KCNK17: variants seen among roughly 807,000 people sequenced by gnomAD.
KCNK17 encodes potassium channel subfamily K member 17.
A neutral mutation model predicts 24.6 loss-of-function variants in KCNK17; 27 were observed. The observed-to-expected ratio is 1.10, with a 90% confidence interval of 0.81 to 1.51. The LOEUF is 1.51. Among genes scored for constraint, KCNK17 ranks in the 40% most tolerant of loss-of-function variants. KCNK17 has a pLI of 0.00. For synonymous variants in KCNK17, 181 were observed against 189.8 expected (o/e 0.95, Z 0.38); for missense variants, 450 against 436.6 (o/e 1.03, Z -0.27).
At chr6:39,303,011 T>G (rs1007036155) in intron 4 of KCNK17, among the ~76,000 whole-genome samples, 2 of 152,166 alleles carry the variant, frequency 1.3e-5, no homozygotes, top group Non-Finnish European at 2.9e-5. Flanking sequence ...TGGAGTCAAA[T>G]AGATCAGGAT....
At chr6:39,304,421 A>T in intron 3 of KCNK17, 74 bp downstream of exon 3, 1 of 1,343,602 alleles carries the variant, frequency 7.4e-7, no homozygotes, top group Non-Finnish European at 1.1e-6. Context: ...TCTTGTCATT[A>T]GTAACCCCAA....
rs1306250695 is a variant in KCNK17, at chr6:39,299,288, A to G, written c.*139T>C. 1 of 660,990 alleles carries G rather than the reference A, an allele frequency of 1.5e-6. No homozygotes were observed. The highest frequency in any genetic ancestry group is 2.6e-6 in the Non-Finnish European group (1 of 387,898). 40.9% of individuals were successfully genotyped at this position (660,990 alleles called of 1,614,324 possible). A position where few individuals can be genotyped will look rare whatever the true frequency, so the allele number is the denominator to read the frequency against. ...CCCAGGACATGTCTCTGTATACCCT[A>G]TTGGGCAGAATTAATCATATAGCTG... On this transcript the variant is annotated 3_prime_UTR_variant, in exon 5 of 5. Coordinates refer to ENST00000373231, the MANE Select transcript of KCNK17 (RefSeq NM_031460.4).
At chr6:39,304,759 C>A (rs1357794686) in intron 2 of KCNK17, 104 bp from the exon 3 acceptor site, 10 of 1,292,452 alleles carry the variant, frequency 7.7e-6, no homozygotes, top group Admixed American at 3.7e-5. Flanking sequence ...TCATTCTAAC[C>A]CACTGTAGAT....
At chr6:39,313,190 G>T (rs1272477322) in intron 1 of KCNK17, among the ~76,000 whole-genome samples, 2 of 152,194 alleles carry the variant, frequency 1.3e-5, no homozygotes, top group Non-Finnish European at 2.9e-5. Flanking sequence ...GTCTGGCGTC[G>T]CTTCAGTCCT....
At chr6:39,312,646 A>G (rs915438597) in intron 1 of KCNK17, among the ~76,000 whole-genome samples, 1 of 152,188 alleles carries the variant, frequency 6.6e-6, no homozygotes, top group Non-Finnish European at 1.5e-5. Flanking sequence ...GGTGAGACAA[A>G]TGAATACGGG....
In KCNK17 at chr6:39,304,189, C is replaced by T. The variant is rs191970537; in HGVS notation, c.514-58G>A. 5.5e-5 allele frequency: 84 copies of T among 1,538,196 alleles called. No individual in the cohort carries two copies. In the Middle Eastern group the frequency reaches 6.9e-4, roughly 13 times the overall value. On this transcript the variant is annotated intron_variant, in intron 3 of 4. Coordinates refer to ENST00000373231, the MANE Select transcript of KCNK17 (RefSeq NM_031460.4). ...AGGCCTTCACCCCATGCGTGGGAGC[C>T]GAGGGAGCTGGAGGCAGGCCAGAGC...
At chr6:39,310,827 C>T (rs1424283682) in intron 2 of KCNK17, 66 bp downstream of exon 2, 15 of 1,075,656 alleles carry the variant, frequency 1.4e-5, no homozygotes, top group African/African-American at 3.2e-5. Context: ...GGCAACTAGC[C>T]TGTTGCCTCT....
In KCNK17 at chr6:39,299,737, C is replaced by A; in HGVS notation, c.689G>T (p.Gly230Val). ...STVGFGDYVI[G>V]MNPSQRYPLW... ...TGGGTACCTCTGGGAGGGGTTCATT[C>A]CTGGGGAAGAGGCAAGGTCAGACGA... is the stretch of plus-strand genomic sequence containing the variant. Residue 230 changes from glycine to valine, a missense_variant and splice_region_variant, in exon 5 of 5, where the codon GGA (glycine) becomes GTA (valine). By Grantham distance (109) the Gly-to-Val change is moderately radical. Transcript: ENST00000373231. The A allele has an allele frequency of 6.2e-7, 1 of 1,611,814 alleles. No individual in the cohort carries two copies. Among genetic ancestry groups the A allele is most frequent in the East Asian group, 2.2e-5 (1 of 44,844 alleles).
intron 4 of KCNK17, among the ~76,000 whole-genome samples, chr6:39,301,745 T>C (rs968439106): frequency 2.0e-5 from 3 of 152,198 alleles, no homozygotes; most frequent in African/African-American, 7.2e-5. Context: ...AGTAGCCGGA[T>C]GGGACCTGGG....
intron 4 of KCNK17, chr6:39,300,572 TC>T (rs1306233339): frequency 1.3e-6 from 2 of 1,535,132 alleles, no homozygotes; most frequent in Non-Finnish European, 1.8e-6. Flanking sequence ...AGAATATGTA[TC>T]CTGACTCGGT....
At chr6:39,309,531 G>C (rs114050695) in intron 2 of KCNK17, among the ~76,000 whole-genome samples, 6,132 of 152,230 alleles carry the variant, frequency 0.04, 138 homozygotes, top group Non-Finnish European at 0.057. Flanking sequence ...GAGTGGAGAG[G>C]AAAGGACAGA....
Position 39,303,744 on chromosome 6 carries a change from G to A in KCNK17, c.688+213C>T, listed in dbSNP as rs150302679. Among the ~76,000 whole-genome samples the A allele has an allele frequency of 5.9e-5, 9 of 152,286 alleles. No homozygotes were observed. The East Asian group carries it at 7.7e-4, about 13-fold the overall frequency. ...CTCTAAGCACAATAGGTGGGCCCGCGGACGTGTTGGACCTCTCCGCGTTGG... is the reference window on the plus strand; with the variant it reads ...CTCTAAGCACAATAGGTGGGCCCGCAGACGTGTTGGACCTCTCCGCGTTGG... On this transcript the variant is annotated intron_variant, in intron 4 of 4. Coordinates refer to ENST00000373231, the MANE Select transcript of KCNK17 (RefSeq NM_031460.4).
Position 39,314,233 on chromosome 6 carries a change from G to C in KCNK17, c.88C>G (p.Leu30Val), listed in dbSNP as rs1762221487. 6.5e-7 allele frequency: 1 copy of C among 1,538,326 alleles called. No homozygotes were observed. Residue 30 changes from leucine to valine, a missense_variant, in exon 1 of 5, where the codon CTG (leucine) becomes GTG (valine). Leu to Val is a conservative substitution (Grantham distance 32). Coordinates refer to ENST00000373231, the MANE Select transcript of KCNK17 (RefSeq NM_031460.4). ...CCGGTGCCCAGCGCCAGGTAAGCCA[G>C]GTAGGCGAGCAGCAGGAGCACGGTG... Reference protein sequence around the residue: ...PSTVLLLLAYLAYLALGTGVF... With the variant: ...PSTVLLLLAYVAYLALGTGVF...
At position 39,313,582 on chromosome 6, in the gene KCNK17, C is replaced by G. The variant is rs377326686; in HGVS notation, c.237+502G>C. Among the ~76,000 whole-genome samples the G allele has an allele frequency of 1.2e-4, 18 of 152,346 alleles. No individual in the cohort carries two copies. In the South Asian group the frequency reaches 2.1e-3, roughly 18 times the overall value. On this transcript the variant is annotated intron_variant, in intron 1 of 4. Transcript: ENST00000373231. ...GCATCCTTAGACCCGGCGCCCCTGC[C>G]GTCCCAGCTCCCAGTTCGCAAACGT...
chr6:39,304,052 A>G lies in KCNK17; in HGVS notation c.593T>C (p.Leu198Pro). Residue 198 changes from leucine to proline, a missense_variant, in exon 4 of 5, where the codon CTG (leucine) becomes CCG (proline). By Grantham distance (98) the Leu-to-Pro change is moderately conservative. Transcript: ENST00000373231. The stretch of plus-strand genomic sequence containing the variant: ...CCAGCCCTCCATGTGGGAGAAGAGC[A>G]GCGGTGGCAGCAGCAGGAAGAGCAG... ...GLLLFLLLPP[L>P]LFSHMEGWSY... 3.7e-6 allele frequency: 6 copies of G among 1,613,730 alleles called. No homozygotes were observed. The highest frequency in any genetic ancestry group is 5.1e-6 in the Non-Finnish European group (6 of 1,180,004).
At position 39,314,176 on chromosome 6, in the gene KCNK17, G is replaced by A; in HGVS notation, c.145C>T (p.Gln49Ter). ...CGCTGGAAGCTGCGGCTGGAGTCCT[G>A]CGCCGCGCGGCCCTCCAGCGTCCAG... ...VFWTLEGRAA[Q>*]DSSRSFQRDK... The change falls in exon 1 of 5, where the codon CAG (glutamine) becomes TAG (stop). Residue 49 changes from glutamine (Q) to a stop codon, truncating the protein, a stop_gained. Coordinates refer to ENST00000373231, the MANE Select transcript of KCNK17 (RefSeq NM_031460.4). LOFTEE classifies it high-confidence loss of function. 1 of 1,558,928 alleles carries A rather than the reference G, an allele frequency of 6.4e-7. No homozygotes were observed. Among genetic ancestry groups the A allele is most frequent in the Non-Finnish European group, 8.7e-7 (1 of 1,155,988 alleles).
In KCNK17 at chr6:39,304,011, A is replaced by G. The variant is rs530744076; in HGVS notation, c.634T>C (p.Phe212Leu). 30 of 1,613,920 alleles carry G rather than the reference A, an allele frequency of 1.9e-5. No homozygotes were observed. In the South Asian group the frequency reaches 3.2e-4, roughly 17 times the overall value. ...HMEGWSYTEG[F>L]YFAFITLSTV... ...CTGAGGGTGATGAAGGCGAAGTAGA[A>G]GCCCTCTGTGTAGCTCCAGCCCTCC... Residue 212 changes from phenylalanine (F) to leucine (L), a missense_variant, in exon 4 of 5, where the codon TTC becomes CTC. Phe to Leu is a conservative substitution (Grantham distance 22). Transcript: ENST00000373231.
At chr6:39,307,622 T>C (rs1369499666) in intron 2 of KCNK17, among the ~76,000 whole-genome samples, 1 of 152,122 alleles carries the variant, frequency 6.6e-6, no homozygotes, top group East Asian at 1.9e-4. Context: ...TGACATTAAA[T>C]GGGTTTTTTT....
At chr6:39,311,803 T>G (rs1000052218) in intron 1 of KCNK17, among the ~76,000 whole-genome samples, 3 of 152,078 alleles carry the variant, frequency 2.0e-5, no homozygotes, top group Non-Finnish European at 2.9e-5. Context: ...GGAAGGATGT[T>G]TAGGTAGATG....
Sources: allele counts gnomAD v4.1 joint callset (sites outside exome capture counted in the v4.1 genomes callset), GRCh38; gene constraint gnomAD v4.1.1; transcripts MANE v1.5; gene names NCBI Gene and HGNC (gene_info 2026-07-23, HGNC 2026-07-21).